MCF2L2: variants seen among roughly 807,000 people sequenced by gnomAD.
The protein encoded by MCF2L2 is probable guanine nucleotide exchange factor MCF2L2.
Under a neutral mutation model 150.2 loss-of-function variants are expected in MCF2L2, and 102 were observed. That is an observed-to-expected ratio of 0.68 (90% CI 0.58 to 0.80). The LOEUF (loss-of-function observed/expected upper bound fraction) is 0.80, where lower values mean the gene tolerates loss of function less well. Ranked by LOEUF, MCF2L2 falls within the 30% of genes least tolerant of loss-of-function variation. The probability of loss-of-function intolerance (pLI) is 0.00; values close to 1 mark genes in which losing one functional copy is unlikely to be tolerated. For missense variants in MCF2L2, 1,256 were observed against 1,372.8 expected, an observed-to-expected ratio of 0.91 and a Z score of 1.34; for synonymous variants, 465 against 491.3, an observed-to-expected ratio of 0.95 and a Z score of 0.71.
chr3:183,290,983 G>A (rs950786070), intron 13 of MCF2L2, among the ~76,000 whole-genome samples: 3 of 152,214 alleles, frequency 2.0e-5, no homozygotes, highest in Admixed American at 6.5e-5. Flanking sequence ...TGAGCCAACT[G>A]GAAGCAGCTT....
Position 183,297,162 on chromosome 3 carries a change from G to A in MCF2L2, c.1311C>T (p.Ser437=). 6.2e-7 allele frequency: 1 copy of A among 1,613,730 alleles called. No individual in the cohort carries two copies. Among genetic ancestry groups the A allele is most frequent in the Non-Finnish European group, 8.5e-7 (1 of 1,179,814 alleles). The change falls in exon 12 of 30, where the codon AGC becomes AGT. Residue 437 remains serine, a synonymous_variant. Transcript: ENST00000328913. ...LEFHRQLDKV[S]QWCEAGIYLL... ...GGTAGATTCCTGCCTCACACCATTG[G>A]CTGACCTTTTGGAAAGAAACAGTGC...
At chr3:183,212,819 A>G (rs1010492245) in intron 22 of MCF2L2, among the ~76,000 whole-genome samples, 7 of 152,000 alleles carry the variant, frequency 4.6e-5, no homozygotes, top group African/African-American at 1.7e-4. Context: ...CAGCTTGAGC[A>G]GGTCCCCATA....
At chr3:183,370,973 C>T (rs543766877) in intron 3 of MCF2L2, among the ~76,000 whole-genome samples, 2 of 152,328 alleles carry the variant, frequency 1.3e-5, no homozygotes, top group South Asian at 4.1e-4. Context: ...GACAAGTACA[C>T]TCTGTACTCG....
intron 15 of MCF2L2, among the ~76,000 whole-genome samples, chr3:183,247,489 C>T (rs1271544651): frequency 1.3e-5 from 2 of 152,114 alleles, no homozygotes; most frequent in Admixed American, 6.5e-5. Flanking sequence ...ATAGGAAAAC[C>T]TCATTACTTC....
At chr3:183,396,340 TA>T (rs910367472) in intron 1 of MCF2L2, among the ~76,000 whole-genome samples, 1 of 152,054 alleles carries the variant, frequency 6.6e-6, no homozygotes, top group Non-Finnish European at 1.5e-5. Context: ...AGAGAAAAAA[TA>T]AATGAATTAA....
Position 183,179,131 on chromosome 3 carries a change from G to T in MCF2L2, c.*249C>A. The T allele has an allele frequency of 2.4e-6, 1 of 409,692 alleles. No individual in the cohort carries two copies. Among genetic ancestry groups the T allele is most frequent in the Non-Finnish European group, 4.2e-6 (1 of 237,026 alleles). 25.4% of individuals were successfully genotyped at this position (409,692 alleles called of 1,614,324 possible). On this transcript the variant is annotated 3_prime_UTR_variant, in exon 30 of 30. Coordinates refer to ENST00000328913, the MANE Select transcript of MCF2L2 (RefSeq NM_015078.4). The surrounding 1 kb of genome is among the most constrained non-coding windows in gnomAD (Gnocchi z 4.2). ...GAATATCGAAGTGCGCGGTCGAGAAGGCGTGGGCTGCGGGCTCTGCTCGCC... is the reference window on the plus strand; with the variant it reads ...GAATATCGAAGTGCGCGGTCGAGAATGCGTGGGCTGCGGGCTCTGCTCGCC...
chr3:183,280,083 C>A (rs1392664788), intron 14 of MCF2L2, among the ~76,000 whole-genome samples: 1 of 151,806 alleles, frequency 6.6e-6, no homozygotes, highest in Non-Finnish European at 1.5e-5. Flanking sequence ...GGGTCCAACT[C>A]CCCTCACATA....
chr3:183,337,145 T>A (rs1308046208), intron 5 of MCF2L2, among the ~76,000 whole-genome samples: 1 of 152,190 alleles, frequency 6.6e-6, no homozygotes, highest in Non-Finnish European at 1.5e-5. Context: ...ATTATATAAA[T>A]GTGACACAAC....
chr3:183,366,657 A>T (rs1287010488), intron 3 of MCF2L2, among the ~76,000 whole-genome samples: 1 of 152,212 alleles, frequency 6.6e-6, no homozygotes, highest in Non-Finnish European at 1.5e-5. Context: ...AAAAAAAAAA[A>T]TTATTTACCA....
intron 5 of MCF2L2, among the ~76,000 whole-genome samples, chr3:183,325,226 C>A (rs974741517): frequency 2.6e-5 from 4 of 151,336 alleles, no homozygotes; most frequent in African/African-American, 9.7e-5. Context: ...ATGTAACAAA[C>A]CTGCACATTG....
Position 183,179,535 on chromosome 3 carries a change from G to A in MCF2L2, c.3222-32C>T, listed in dbSNP as rs201654449. On this transcript the variant is annotated intron_variant, in intron 29 of 29. Transcript: ENST00000328913. The surrounding 1 kb of genome is among the most constrained non-coding windows in gnomAD (Gnocchi z 4.2). ...TTCCGAGAAGAAAGTCAGAGACGCC[G>A]TGGCCCAAAGAGGCGCTTAGTCTTT... 3.1e-6 allele frequency: 5 copies of A among 1,611,806 alleles called. No individual in the cohort carries two copies. The East Asian group carries it at 8.9e-5, about 29-fold the overall frequency.
chr3:183,386,400 A>G (rs1367748118), intron 2 of MCF2L2, among the ~76,000 whole-genome samples: 1 of 152,200 alleles, frequency 6.6e-6, no homozygotes, highest in African/African-American at 2.4e-5. Context: ...GGCCCTGCTC[A>G]CAGGCTTCGC....
At chr3:183,317,560 T>C (rs1353305165) in intron 7 of MCF2L2, among the ~76,000 whole-genome samples, 1 of 152,022 alleles carries the variant, frequency 6.6e-6, no homozygotes, top group Non-Finnish European at 1.5e-5. Flanking sequence ...CTCAAATTCA[T>C]CCCCAAATAA....
chr3:183,348,304 A>G (rs1302177200), intron 3 of MCF2L2, among the ~76,000 whole-genome samples: 3 of 152,106 alleles, frequency 2.0e-5, no homozygotes, highest in African/African-American at 7.2e-5. Context: ...ACACAGGAAC[A>G]GAAAACCAAA....
At chr3:183,405,542 T>C (rs907833509) in intron 1 of MCF2L2, among the ~76,000 whole-genome samples, 9 of 152,186 alleles carry the variant, frequency 5.9e-5, no homozygotes, top group Non-Finnish European at 7.4e-5. Flanking sequence ...CCCAGTATCA[T>C]AGAAAGATTA....
chr3:183,383,586 A>G (rs1463046995), intron 2 of MCF2L2, among the ~76,000 whole-genome samples: 2 of 151,256 alleles, frequency 1.3e-5, no homozygotes, highest in African/African-American at 2.4e-5. Flanking sequence ...GTATCTGATC[A>G]CCCCACCACA....
chr3:183,394,602 G>A (rs1167213912), intron 1 of MCF2L2, among the ~76,000 whole-genome samples: 12 of 152,190 alleles, frequency 7.9e-5, no homozygotes, highest in East Asian at 1.9e-4. Context: ...GCGCTATAGC[G>A]ATGCTTAACC....
In MCF2L2 at chr3:183,224,519, A is replaced by G. The variant is rs544385868; in HGVS notation, c.2116-329T>C. 2.9e-5 allele frequency: 6 copies of G among 206,006 alleles called. No individual in the cohort carries two copies. In the South Asian group the frequency reaches 5.8e-4, roughly 20 times the overall value. The allele number at this position is 206,006 out of a possible 1,614,324, so 12.8% of individuals were successfully genotyped here. A position where few individuals can be genotyped will look rare whatever the true frequency, so the allele number is the denominator to read the frequency against. The stretch of plus-strand genomic sequence containing the variant: ...TTCCTGCCCTTTGTCCAGGACATCG[A>G]CATCTCCCCACAACAGGTCTGCAAT... On this transcript the variant is annotated intron_variant, in intron 18 of 29. Coordinates refer to ENST00000328913, the MANE Select transcript of MCF2L2 (RefSeq NM_015078.4).
At chr3:183,389,848 C>T in intron 1 of MCF2L2, 69 bp from the exon 2 acceptor site, 1 of 1,297,954 alleles carries the variant, frequency 7.7e-7, no homozygotes, top group Admixed American at 1.7e-5. Context: ...TAAAAAGAAA[C>T]AAAGGCAAGT....
Sources: gnomAD v4.1 joint callset for allele counts (sites outside exome capture counted in the v4.1 genomes callset) on GRCh38, gnomAD v4.1.1 for gene constraint, Gnocchi (gnomAD v3.1) non-coding constraint, MANE v1.5 for transcripts, NCBI Gene and HGNC (gene_info 2026-07-23, HGNC 2026-07-21) for gene names.